Variants in BICRA observed in about 807,000 individuals in gnomAD.
BICRA encodes the protein BRD4-interacting chromatin-remodeling complex-associated protein.
A neutral mutation model predicts 96.9 loss-of-function variants in BICRA; 31 were observed. The ratio of observed to expected loss-of-function variants is 0.32; its 90% confidence interval spans 0.24 to 0.43. The LOEUF (loss-of-function observed/expected upper bound fraction) is 0.43, where lower values mean the gene tolerates loss of function less well. BICRA is among the 20% of genes least tolerant of loss of function. The pLI, the probability that BICRA is intolerant of heterozygous loss-of-function variation, is 1.00. For missense variants in BICRA, 2,283 were observed against 2,190.3 expected (o/e 1.04, Z -0.84); for synonymous variants, 1,350 against 1,071.8 (o/e 1.26, Z -5.07).
At chr19:47,637,282 G>A (rs1437489649) in intron 1 of BICRA, among the ~76,000 whole-genome samples, 2 of 151,894 alleles carry the variant, frequency 1.3e-5, no homozygotes, top group Admixed American at 6.6e-5. Flanking sequence ...ACCACACCCG[G>A]CTAATTTTTT....
At position 47,702,894 on chromosome 19, in the gene BICRA, AG is replaced by A. The variant is rs1291116112; in HGVS notation, c.*484del. ...AACAGGCTGTCAAACAAAACCGGAG[AG>A]GGGGTGGGGGAGCCAGCCTCCCAGC... On this transcript the variant is annotated 3_prime_UTR_variant, in exon 15 of 15. Transcript: ENST00000594866. 9.0e-4 allele frequency: 163 copies of A among 181,906 alleles called. 1 individual carries two copies. Among genetic ancestry groups the A allele is most frequent in the Non-Finnish European group, 6.8e-4 (60 of 88,686 alleles). 11.3% of individuals were successfully genotyped at this position (181,906 alleles called of 1,614,324 possible).
chr19:47,696,594 G>C, intron 11 of BICRA, 82 bp downstream of exon 11: 2 of 1,363,424 alleles, frequency 1.5e-6, no homozygotes, highest in Non-Finnish European at 2.0e-6. Flanking sequence ...TCCAGAAGCA[G>C]AGTTGGGCAG....
Position 47,701,360 on chromosome 19 carries a change from C to T in BICRA, c.3628C>T (p.Leu1210Phe), listed in dbSNP as rs1973439667. 2.5e-6 allele frequency: 4 copies of T among 1,611,680 alleles called. No individual in the cohort carries two copies. The highest frequency in any genetic ancestry group is 4.5e-5 in the East Asian group (2 of 44,836). Residue 1210 changes from leucine to phenylalanine, a missense_variant, in exon 15 of 15, where the codon CTC (leucine) becomes TTC (phenylalanine). Physicochemically the swap from Leu to Phe is conservative, Grantham distance 22 (BLOSUM62 0). Coordinates refer to ENST00000594866, the MANE Select transcript of BICRA (RefSeq NM_001394372.1). The surrounding 1 kb of genome is among the most constrained non-coding windows in gnomAD (Gnocchi z 5.4). ...EYVSSSRSLG[L>F]PIAASSEGHR... ...CGTGTCTTCCTCCCGCTCGCTCGGC[C>T]TCCCCATCGCAGCCTCTTCCGAGGG...
At chr19:47,642,366 G>C (rs1032580978) in intron 1 of BICRA, among the ~76,000 whole-genome samples, 3 of 152,168 alleles carry the variant, frequency 2.0e-5, no homozygotes, top group African/African-American at 7.2e-5. Flanking sequence ...ACCTAGAAGT[G>C]GATTAGTAGG....
At chr19:47,661,086 C>T (rs529665523) in intron 1 of BICRA, among the ~76,000 whole-genome samples, 6 of 151,896 alleles carry the variant, frequency 4.0e-5, no homozygotes, top group South Asian at 2.1e-4. Flanking sequence ...GTGGTTGTGG[C>T]GCCTGTAGTG....
Position 47,679,856 on chromosome 19 carries a change from C to G in BICRA, c.686C>G (p.Thr229Arg). The change falls in exon 6 of 15, where the codon ACA (threonine) becomes AGA (arginine). Residue 229 changes from threonine (T) to arginine (R), a missense_variant. By Grantham distance (71) the Thr-to-Arg change is moderately conservative (BLOSUM62 -1). Transcript: ENST00000594866. ...NGSPGGATAA[T>R]LGLAPIQVVG... ...AGCCCTGGGGGTGCCACGGCGGCCA[C>G]ACTGGGCCTGGCGCCCATCCAGGTG... 6.6e-7 allele frequency: 1 copy of G among 1,506,272 alleles called. No homozygotes were observed. Among genetic ancestry groups the G allele is most frequent in the Non-Finnish European group, 8.8e-7 (1 of 1,133,016 alleles). The allele number at this position is 1,506,272 out of a possible 1,614,324, so 93.3% of individuals were successfully genotyped here.
At position 47,652,530 on chromosome 19, in the gene BICRA, A is replaced by G. The variant is rs958028764; in HGVS notation, c.-107-17913A>G. ...GACATCAGCAGTCAGGCAGTGTGGCATCTTGGAAAGCAGCCAAGGCTTTGG... is the reference window on the plus strand; with the variant it reads ...GACATCAGCAGTCAGGCAGTGTGGCGTCTTGGAAAGCAGCCAAGGCTTTGG... On this transcript the variant is annotated intron_variant, in intron 1 of 14. Transcript: ENST00000594866. Among the ~76,000 whole-genome samples the G allele has an allele frequency of 1.1e-4, 16 of 152,272 alleles. No individual in the cohort carries two copies. The East Asian group carries it at 1.4e-3, about 13-fold the overall frequency.
In BICRA at chr19:47,680,763, C is replaced by G. The variant is rs761562412; in HGVS notation, c.1593C>G (p.Ala531=). The G allele has an allele frequency of 3.1e-6, 5 of 1,609,924 alleles. No homozygotes were observed. Among genetic ancestry groups the G allele is most frequent in the East Asian group, 2.2e-5 (1 of 44,748 alleles). Residue 531 remains alanine (A), a synonymous_variant, in exon 6 of 15, where the codon GCC becomes GCG. Transcript: ENST00000594866. Reference sequence around the variant, plus strand: ...CACTGAGCCTGGGCCCCGTGTTGGCCCCCCACTCCGGGGCCCACAGCGCGC... The same window carrying G: ...CACTGAGCCTGGGCCCCGTGTTGGCGCCCCACTCCGGGGCCCACAGCGCGC... ...AGPLSLGPVL[A]PHSGAHSAHI...
At position 47,679,621 on chromosome 19, in the gene BICRA, G is replaced by A; in HGVS notation, c.451G>A (p.Ala151Thr). Residue 151 changes from alanine (A) to threonine (T), a missense_variant, in exon 6 of 15, where the codon GCC becomes ACC. Coordinates refer to ENST00000594866, the MANE Select transcript of BICRA (RefSeq NM_001394372.1). ...CCCGACGGGCGCTGGAGGGGCAGCG[G>A]CCGTGGCTGCGGGGCCCCAAGCCCT... Reference protein sequence around the residue: ...AGPTGAGGAAAVAAGPQALFP... With the variant: ...AGPTGAGGAATVAAGPQALFP... The A allele has an allele frequency of 1.3e-6, 2 of 1,516,842 alleles. No homozygotes were observed. The highest frequency in any genetic ancestry group is 2.5e-5 in the South Asian group (2 of 79,630). The allele number at this position is 1,516,842 out of a possible 1,614,324, so 94.0% of individuals were successfully genotyped here.
chr19:47,610,102 G>T (rs1971878263), intron 1 of BICRA, among the ~76,000 whole-genome samples: 1 of 152,224 alleles, frequency 6.6e-6, no homozygotes, highest in Non-Finnish European at 1.5e-5. Context: ...GACAAAGGCA[G>T]CCCTTTCCCC....
rs200735162 is a variant in BICRA, at chr19:47,695,033, C to T, written c.3029C>T (p.Pro1010Leu). ...AGTGGGCAGGCCCCATCTGGGACCC[C>T]CACTGCCCCCAGCCACGCCCCCGCC... is the stretch of plus-strand genomic sequence containing the variant. ...LVSGQAPSGT[P>L]TAPSHAPAPA... The change falls in exon 9 of 15, where the codon CCC becomes CTC. Residue 1010 changes from proline (P) to leucine (L), a missense_variant. Pro to Leu is a moderately conservative substitution (Grantham distance 98). Coordinates refer to ENST00000594866, the MANE Select transcript of BICRA (RefSeq NM_001394372.1). 8.9e-4 allele frequency: 1,341 copies of T among 1,503,566 alleles called. 2 individuals carry two copies. Among genetic ancestry groups the T allele is most frequent in the Middle Eastern group, 3.5e-3 (18 of 5,160 alleles). 93.1% of individuals were successfully genotyped at this position (1,503,566 alleles called of 1,614,324 possible).
At chr19:47,645,116 C>T (rs760245824) in intron 1 of BICRA, among the ~76,000 whole-genome samples, 9 of 152,166 alleles carry the variant, frequency 5.9e-5, no homozygotes, top group Non-Finnish European at 1.0e-4. Context: ...TACTAACGTC[C>T]CTCAGAGCCG....
intron 1 of BICRA, among the ~76,000 whole-genome samples, chr19:47,632,162 A>T (rs1972230545): frequency 6.6e-6 from 1 of 152,140 alleles, no homozygotes; most frequent in South Asian, 2.1e-4. Flanking sequence ...TGGGTTGCTT[A>T]TGCAAGAGTG....
chr19:47,694,087 C>CGGCACCCA, intron 7 of BICRA, 28 bp from the exon 8 acceptor site: 1 of 1,410,904 alleles, frequency 7.1e-7, no homozygotes, highest in Non-Finnish European at 9.2e-7. Flanking sequence ...ACCCCCGCCC[C>CGGCACCCA]TCCCCTCTCC....
At chr19:47,649,670 C>T (rs184286102) in intron 1 of BICRA, among the ~76,000 whole-genome samples, 7 of 152,110 alleles carry the variant, frequency 4.6e-5, no homozygotes, top group East Asian at 1.9e-4. Context: ...GGTATGAGGT[C>T]GATATGGCCA....
At chr19:47,646,589 C>A (rs1972463081) in intron 1 of BICRA, among the ~76,000 whole-genome samples, 1 of 152,164 alleles carries the variant, frequency 6.6e-6, no homozygotes, top group Admixed American at 6.5e-5. Flanking sequence ...GAGCTCAGGT[C>A]ACGCACTTCA....
At chr19:47,619,445 G>A (rs568671174) in intron 1 of BICRA, among the ~76,000 whole-genome samples, 1 of 152,104 alleles carries the variant, frequency 6.6e-6, no homozygotes, top group Non-Finnish European at 1.5e-5. Flanking sequence ...TTTTAGTAGA[G>A]ATGAGGTTTC....
intron 1 of BICRA, among the ~76,000 whole-genome samples, chr19:47,665,620 A>G (rs1412590396): frequency 6.6e-6 from 1 of 152,078 alleles, no homozygotes; most frequent in African/African-American, 2.4e-5. Flanking sequence ...CCGGTGTGCA[A>G]CACCATGTCT....
chr19:47,617,622 C>G (rs1012181036), intron 1 of BICRA, among the ~76,000 whole-genome samples: 4 of 152,136 alleles, frequency 2.6e-5, no homozygotes, highest in African/African-American at 9.7e-5. Flanking sequence ...CCTAGGCCCC[C>G]CAAAGTGCTG....
Sources: gnomAD v4.1 joint callset for allele counts (sites outside exome capture counted in the v4.1 genomes callset) on GRCh38, gnomAD v4.1.1 for gene constraint, Gnocchi (gnomAD v3.1) non-coding constraint, MANE v1.5 for transcripts, NCBI Gene and HGNC (gene_info 2026-07-23, HGNC 2026-07-21) for gene names.